DCAF6: variants seen among roughly 807,000 people sequenced by gnomAD.
DCAF6 encodes the protein DDB1 and CUL4 associated factor 6, also known as DDB1- and CUL4-associated factor 6.
DCAF6 carries 54 observed loss-of-function variants against 125.1 expected under a neutral mutation model. The observed-to-expected ratio is 0.43, with a 90% CI of 0.35 to 0.54. The LOEUF (loss-of-function observed/expected upper bound fraction) is 0.54, where lower values mean the gene tolerates loss of function less well. Ranked by LOEUF, DCAF6 falls within the 20% of genes least tolerant of loss-of-function variation. The probability of loss-of-function intolerance (pLI) is 0.01; values close to 1 mark genes in which losing one functional copy is unlikely to be tolerated. For missense variants in DCAF6, 934 were observed against 1,161.7 expected (o/e 0.80, Z 2.85); for synonymous variants, 371 against 390.4 (o/e 0.95, Z 0.58).
In DCAF6 at chr1:168,066,381, A is replaced by G; in HGVS notation, c.2601A>G (p.Leu867=). ...ATATATAAATTTTATTTCTAGTTTT[A>G]GCCTCATCTGGCATAGATTATGACA... is the stretch of plus-strand genomic sequence containing the variant. ...CLQPHPFDPI[L]ASSGIDYDIK... The change falls in exon 20 of 22, where the codon TTA becomes TTG. Residue 867 remains leucine, a synonymous_variant. Transcript: ENST00000367840. 6.3e-7 allele frequency: 1 copy of G among 1,591,682 alleles called. No individual in the cohort carries two copies. The highest frequency in any genetic ancestry group is 8.6e-7 in the Non-Finnish European group (1 of 1,167,088).
chr1:167,944,456 T>C (rs1329362943), intron 1 of DCAF6, among the ~76,000 whole-genome samples: 1 of 152,238 alleles, frequency 6.6e-6, no homozygotes, highest in East Asian at 1.9e-4. Context: ...GTTCCCTTTT[T>C]TTCACATGAT....
the DCAF6 span, among the ~76,000 whole-genome samples, chr1:167,925,446 T>TATATATATAC: frequency 7.1e-5 from 6 of 84,936 alleles, no homozygotes; most frequent in Admixed American, 1.3e-4. Context: ...TATACACATA[T>TATATATATAC]ATATATATAT....
chr1:167,936,814 T>A lies in DCAF6; in HGVS notation c.-98T>A. 9.1e-7 allele frequency: 1 copy of A among 1,102,516 alleles called. No homozygotes were observed. The highest frequency in any genetic ancestry group is 2.7e-5 in the East Asian group (1 of 37,618). 68.3% of individuals were successfully genotyped at this position (1,102,516 alleles called of 1,614,324 possible). Reference sequence around the variant, plus strand: ...GCGCCCTGGAGGCCCGGCGCGCGGATGGTGCCGGTGCGGCTCGGGTGTTGA... The same window carrying A: ...GCGCCCTGGAGGCCCGGCGCGCGGAAGGTGCCGGTGCGGCTCGGGTGTTGA... On this transcript the variant is annotated 5_prime_UTR_variant, in exon 1 of 22. The change abolishes an upstream ATG in the 5' untranslated region. Coordinates refer to ENST00000367840, the MANE Select transcript of DCAF6 (RefSeq NM_001198956.2).
At chr1:168,057,132 T>TA (rs1407064453) in intron 17 of DCAF6, among the ~76,000 whole-genome samples, 1 of 152,212 alleles carries the variant, frequency 6.6e-6, no homozygotes, top group African/African-American at 2.4e-5. Flanking sequence ...TGTAAGGTAT[T>TA]TTAATAATAC....
chr1:167,876,657 A>C, the DCAF6 span, among the ~76,000 whole-genome samples: 1 of 152,230 alleles, frequency 6.6e-6, no homozygotes, highest in Non-Finnish European at 1.5e-5. Flanking sequence ...CAGAAAAATC[A>C]TGAAGAGTAC....
In DCAF6 at chr1:168,075,746, C is replaced by A; in HGVS notation, c.*311C>A. 1 of 228,776 alleles carries A rather than the reference C, an allele frequency of 4.4e-6. No homozygotes were observed. The highest frequency in any genetic ancestry group is 8.4e-6 in the Non-Finnish European group (1 of 118,688). The allele number at this position is 228,776 out of a possible 1,614,324, so 14.2% of individuals were successfully genotyped here. ...ATCAATGTTGAAGAATAATTTTCATCATAGTGAAAATGTTGGTTCAAATAA... is the reference window on the plus strand; with the variant it reads ...ATCAATGTTGAAGAATAATTTTCATAATAGTGAAAATGTTGGTTCAAATAA... On this transcript the variant is annotated 3_prime_UTR_variant, in exon 22 of 22. Coordinates refer to ENST00000367840, the MANE Select transcript of DCAF6 (RefSeq NM_001198956.2).
intron 1 of DCAF6, among the ~76,000 whole-genome samples, chr1:167,950,174 A>AAAG (rs1673707139): frequency 2.0e-5 from 1 of 49,496 alleles, no homozygotes; most frequent in Admixed American, 2.8e-4. Flanking sequence ...AAATTTTGAC[A>AAAG]AAGTTTCCAA....
At chr1:168,071,261 A>G (rs546495898) in intron 21 of DCAF6, among the ~76,000 whole-genome samples, 1 of 152,338 alleles carries the variant, frequency 6.6e-6, no homozygotes, top group Admixed American at 6.5e-5. Context: ...AAAAACAGCC[A>G]TAGACCATAT....
chr1:167,917,194 G>A, the DCAF6 span: 1 of 152,176 alleles, frequency 6.6e-6, no homozygotes, highest in Non-Finnish European at 1.5e-5. Flanking sequence ...TTTGTAGCGT[G>A]GAGTAATGTA....
At chr1:168,073,170 G>A (rs562571758) in intron 21 of DCAF6, among the ~76,000 whole-genome samples, 38 of 151,444 alleles carry the variant, frequency 2.5e-4, no homozygotes, top group African/African-American at 8.2e-4. Context: ...AGCGAGACTC[G>A]GTCTCAAAAA....
At chr1:168,069,480 A>T (rs1692767030) in intron 21 of DCAF6, among the ~76,000 whole-genome samples, 1 of 152,122 alleles carries the variant, frequency 6.6e-6, no homozygotes, top group Non-Finnish European at 1.5e-5. Flanking sequence ...CACTCTGTTG[A>T]GATAACTTCT....
chr1:168,026,644 A>C (rs2103270290), intron 12 of DCAF6, among the ~76,000 whole-genome samples: 1 of 152,238 alleles, frequency 6.6e-6, no homozygotes, highest in South Asian at 2.1e-4. Flanking sequence ...GTGATAATGA[A>C]CCATCAGCCA....
At position 168,002,170 on chromosome 1, in the gene DCAF6, T is replaced by C. The variant is rs926645723; in HGVS notation, c.904-312T>C. On this transcript the variant is annotated intron_variant, in intron 7 of 21. Transcript: ENST00000367840. ...CTAAGGCTCAAGATGGTTAAAAATA[T>C]CTTCCTTTTGTCAGCTGGAAGGTGA... Among the ~76,000 whole-genome samples the C allele has an allele frequency of 5.3e-5, 8 of 152,206 alleles. No homozygotes were observed. In the East Asian group the frequency reaches 1.5e-3, roughly 29 times the overall value.
At chr1:167,893,342 A>G in the DCAF6 span, among the ~76,000 whole-genome samples, 1 of 152,208 alleles carries the variant, frequency 6.6e-6, no homozygotes, top group Non-Finnish European at 1.5e-5. Flanking sequence ...CTGTTGTCAT[A>G]TTATAATTAT....
intron 11 of DCAF6, among the ~76,000 whole-genome samples, chr1:168,022,559 A>G (rs1443732448): frequency 2.0e-5 from 3 of 152,226 alleles, no homozygotes; most frequent in African/African-American, 7.2e-5. Context: ...ACAGCAAACA[A>G]CATCTCTCAA....
rs556649114 is a variant in DCAF6, at chr1:167,993,112, C to T, written c.689-114C>T. 4.3e-5 allele frequency: 40 copies of T among 927,710 alleles called. No homozygotes were observed. The African/African-American group carries it at 5.7e-4, about 13-fold the overall frequency. 57.5% of individuals were successfully genotyped at this position (927,710 alleles called of 1,614,324 possible). On this transcript the variant is annotated intron_variant, in intron 6 of 21. Transcript: ENST00000367840. ...CCTCTACTGGAAATAAACGTGATGG[C>T]TTTTATTTGTATTGCTACATTAAGT...
intron 3 of DCAF6, among the ~76,000 whole-genome samples, chr1:167,969,490 T>G (rs940453315): frequency 6.6e-6 from 1 of 152,238 alleles, no homozygotes; most frequent in Non-Finnish European, 1.5e-5. Context: ...ACAGCTGTTT[T>G]TATATCTGAA....
the DCAF6 span, among the ~76,000 whole-genome samples, chr1:167,872,164 C>A: frequency 7.2e-5 from 11 of 152,034 alleles, no homozygotes; most frequent in African/African-American, 1.2e-4. Flanking sequence ...CATGGAGAAA[C>A]CCCGTCTCTA....
chr1:167,904,831 A>G, the DCAF6 span: 2 of 891,848 alleles, frequency 2.2e-6, no homozygotes, highest in East Asian at 2.6e-5. Context: ...AGCCAGGGCC[A>G]CAAGCTATTT....
Sources: allele counts gnomAD v4.1 joint callset (sites outside exome capture counted in the v4.1 genomes callset), GRCh38; gene constraint gnomAD v4.1.1; transcripts MANE v1.5; gene names NCBI Gene and HGNC (gene_info 2026-07-23, HGNC 2026-07-21).